Variants in KIDINS220 observed in about 807,000 individuals in gnomAD.
The protein encoded by KIDINS220 is kinase D interacting substrate 220.
A neutral mutation model predicts 157.6 loss-of-function variants in KIDINS220; 63 were observed. The observed-to-expected ratio is 0.40, with a 90% CI of 0.33 to 0.49. KIDINS220 has a LOEUF of 0.49. Ranked by LOEUF, KIDINS220 falls within the 20% of genes least tolerant of loss-of-function variation. KIDINS220 has a pLI of 0.66. For missense variants in KIDINS220, 1,772 were observed against 2,171.2 expected (o/e 0.82, Z 3.65); for synonymous variants, 732 against 783.6 (o/e 0.93, Z 1.10).
At position 8,734,720 on chromosome 2, in the gene KIDINS220, T is replaced by C. The variant is rs1301389583; in HGVS notation, c.3751A>G (p.Asn1251Asp). 6.2e-7 allele frequency: 1 copy of C among 1,613,424 alleles called. No individual in the cohort carries two copies. The highest frequency in any genetic ancestry group is 1.1e-5 in the South Asian group (1 of 90,886). ...NINGRVLAQC[N>D]IDELKKEMNM... ...ATCTCTTTCTTCAGCTCATCAATGT[T>C]ACACTGAGCTAACACACGGCCATTT... The change falls in exon 28 of 30, where the codon AAC (asparagine) becomes GAC (aspartate). Residue 1251 changes from asparagine (N) to aspartate (D), a missense_variant. Physicochemically the swap from Asn to Asp is conservative, Grantham distance 23. Around this residue, in one of 3 missense-constraint regions of KIDINS220, gnomAD observed 793 missense variants for 885.5 expected, o/e 0.90. Coordinates refer to ENST00000256707, the MANE Select transcript of KIDINS220 (RefSeq NM_020738.4).
rs1052905429 is a variant in KIDINS220, at chr2:8,752,667, A to G, written c.3012-1023T>C. 2.0e-5 allele frequency among the ~76,000 whole-genome samples: 3 copies of G among 152,324 alleles called. No individual in the cohort carries two copies. The South Asian group carries it at 6.2e-4, about 32-fold the overall frequency. ...AGAATACCACAGTTTCTCCTTTGCA[A>G]AGAAAACAAGAAATCAAGAACTTAT... On this transcript the variant is annotated intron_variant, in intron 22 of 29. Coordinates refer to ENST00000256707, the MANE Select transcript of KIDINS220 (RefSeq NM_020738.4).
chr2:8,783,887 C>T (rs892863901), intron 17 of KIDINS220, among the ~76,000 whole-genome samples: 1 of 152,048 alleles, frequency 6.6e-6, no homozygotes, highest in African/African-American at 2.4e-5. Flanking sequence ...TTAACGCAAT[C>T]TCAATGAAAA....
intron 17 of KIDINS220, among the ~76,000 whole-genome samples, chr2:8,782,822 C>T (rs770527949): frequency 4.6e-5 from 7 of 152,294 alleles, no homozygotes; most frequent in East Asian, 1.9e-4. Context: ...AAGAATTATA[C>T]ACCACAATCA....
At position 8,785,863 on chromosome 2, in the gene KIDINS220, C is replaced by T. The variant is rs747685100; in HGVS notation, c.2107G>A (p.Ala703Thr). 4.3e-6 allele frequency: 7 copies of T among 1,614,006 alleles called. No individual in the cohort carries two copies. Among genetic ancestry groups the T allele is most frequent in the Admixed American group, 1.7e-5 (1 of 60,000 alleles). ...CATGTACGACAGTTCAACACAAAGG[C>T]CAATCCCACTACAGATGCGATTGAT... ...LISIASVVGL[A>T]FVLNCRTWWQ... is the part of the protein sequence containing the mutation. Residue 703 changes from alanine to threonine, a missense_variant, in exon 17 of 30, where the codon GCC becomes ACC. By Grantham distance (58) the Ala-to-Thr change is moderately conservative. Coordinates refer to ENST00000256707, the MANE Select transcript of KIDINS220 (RefSeq NM_020738.4).
intron 2 of KIDINS220, among the ~76,000 whole-genome samples, chr2:8,820,258 C>T (rs1386856324): frequency 1.3e-5 from 2 of 152,314 alleles, no homozygotes; most frequent in South Asian, 4.1e-4. Context: ...TTTGTAACCA[C>T]ATTTTCATTG....
intron 17 of KIDINS220, among the ~76,000 whole-genome samples, chr2:8,783,605 T>G (rs1558412722): frequency 6.7e-6 from 1 of 150,324 alleles, no homozygotes; most frequent in East Asian, 2.0e-4. Context: ...GAAAAAAAAC[T>G]CCTGGGACTA....
chr2:8,796,907 C>T (rs372228382), intron 10 of KIDINS220, 38 bp from the exon 11 acceptor site: 23 of 1,412,586 alleles, frequency 1.6e-5, no homozygotes, highest in African/African-American at 2.8e-5. Flanking sequence ...AGATTAATAG[C>T]TTGACTCCTG....
intron 22 of KIDINS220, 44 bp downstream of exon 22, chr2:8,770,626 T>A: frequency 4.9e-5 from 51 of 1,040,248 alleles, no homozygotes; most frequent in Non-Finnish European, 5.9e-5. Flanking sequence ...TTTTTTTAAC[T>A]CAACCTAAAA....
Position 8,763,555 on chromosome 2 carries a change from T to A in KIDINS220, c.3011+7115A>T, listed in dbSNP as rs1669055848. Reference sequence around the variant, plus strand: ...GCATGGGACAGAATGAGGGCTCACATAATATATTAGCTACTACTTTTATTA... The same window carrying A: ...GCATGGGACAGAATGAGGGCTCACAAAATATATTAGCTACTACTTTTATTA... On this transcript the variant is annotated intron_variant, in intron 22 of 29. Coordinates refer to ENST00000256707, the MANE Select transcript of KIDINS220 (RefSeq NM_020738.4). Among the ~76,000 whole-genome samples the A allele has an allele frequency of 4.6e-5, 7 of 152,214 alleles. No homozygotes were observed. In the South Asian group the frequency reaches 1.2e-3, roughly 27 times the overall value.
At chr2:8,809,248 T>A (rs943265079) in intron 6 of KIDINS220, among the ~76,000 whole-genome samples, 1 of 152,176 alleles carries the variant, frequency 6.6e-6, no homozygotes, top group African/African-American at 2.4e-5. Context: ...TTTGAACTCC[T>A]GACCTCAGGT....
intron 15 of KIDINS220, among the ~76,000 whole-genome samples, chr2:8,787,125 A>G: frequency 6.6e-6 from 1 of 151,830 alleles, no homozygotes. Flanking sequence ...ATACCACCTC[A>G]TTAATTTAGA....
intron 22 of KIDINS220, among the ~76,000 whole-genome samples, chr2:8,764,045 T>C (rs999286022): frequency 9.7e-4 from 148 of 152,324 alleles, no homozygotes; most frequent in African/African-American, 3.2e-3. Context: ...ATATACACCA[T>C]GGAATACTAC....
intron 22 of KIDINS220, among the ~76,000 whole-genome samples, chr2:8,752,403 T>A (rs761627319): frequency 6.6e-6 from 1 of 152,118 alleles, no homozygotes; most frequent in Non-Finnish European, 1.5e-5. Flanking sequence ...ACGGCCAGAA[T>A]TCTACTGCCT....
At chr2:8,798,144 G>A (rs968606908) in intron 10 of KIDINS220, 58 bp downstream of exon 10, 3 of 947,246 alleles carry the variant, frequency 3.2e-6, no homozygotes, top group Non-Finnish European at 5.1e-6. Context: ...GAAATAAAAT[G>A]AGCAGTACTA....
chr2:8,762,446 AAAAC>A (rs1483378312), intron 22 of KIDINS220, among the ~76,000 whole-genome samples: 1 of 152,222 alleles, frequency 6.6e-6, no homozygotes, highest in African/African-American at 2.4e-5. Context: ...AAAGTAAAAG[AAAAC>A]CTATTGGCTG....
chr2:8,786,639 T>TA (rs1394130216), intron 15 of KIDINS220, among the ~76,000 whole-genome samples: 2 of 152,162 alleles, frequency 1.3e-5, no homozygotes, highest in African/African-American at 4.8e-5. Flanking sequence ...CGCCAGAACT[T>TA]AGATGTGGAG....
At chr2:8,722,215 ATTCTAAT>A (rs376794298), downstream of KIDINS220, 49 of 152,382 alleles carry the variant, frequency 3.2e-4, no homozygotes, top group East Asian at 8.9e-3. Context: ...TGCAAGACAT[ATTCTAAT>A]TTCTAACAAG....
chr2:8,806,193 A>C, intron 7 of KIDINS220, 78 bp downstream of exon 7: 1 of 1,053,986 alleles, frequency 9.5e-7, no homozygotes, highest in South Asian at 1.6e-5. Context: ...CTCTAGGCAT[A>C]CACTAAAGAA....
chr2:8,741,531 G>T (rs149944622), intron 26 of KIDINS220, among the ~76,000 whole-genome samples: 1 of 152,162 alleles, frequency 6.6e-6, no homozygotes, highest in East Asian at 1.9e-4. Context: ...AGTAAGCCAA[G>T]ATTGTGCCAT....
Sources: gnomAD v4.1 joint callset for allele counts (sites outside exome capture counted in the v4.1 genomes callset) on GRCh38, gnomAD v4.1.1 for gene constraint, gnomAD v4.1.1 regional missense constraint, MANE v1.5 for transcripts, NCBI Gene and HGNC (gene_info 2026-07-23, HGNC 2026-07-21) for gene names.